NOL4: variants seen among roughly 807,000 people sequenced by gnomAD.
NOL4 encodes the protein nucleolar protein 4, also known as cancer/testis antigen 125.
NOL4 carries 17 observed loss-of-function variants against 75.9 expected under a neutral mutation model. The ratio of observed to expected loss-of-function variants is 0.22; its 90% confidence interval spans 0.15 to 0.34. NOL4 has a LOEUF of 0.34. Ranked by LOEUF, NOL4 falls within the 10% of genes least tolerant of loss-of-function variation. NOL4 has a pLI of 1.00. For missense variants in NOL4, 614 were observed against 793.5 expected (o/e 0.77, Z 2.72); for synonymous variants, 292 against 289.9 (o/e 1.01, Z -0.07).
chr18:34,086,158 GA>G (rs200665408), intron 5 of NOL4, among the ~76,000 whole-genome samples: 1,959 of 152,086 alleles, frequency 0.013, 12 homozygotes, highest in Middle Eastern at 0.034. Flanking sequence ...CTTGAATTAA[GA>G]AAAAAGAGCA....
intron 2 of NOL4, among the ~76,000 whole-genome samples, chr18:34,120,933 GTTAAA>G (rs1287002052): frequency 1.3e-5 from 2 of 152,118 alleles, no homozygotes; most frequent in Non-Finnish European, 2.9e-5. Context: ...AGTGGTTTAT[GTTAAA>G]TTATAATTAA....
Position 34,143,878 on chromosome 18 carries a change from A to C in NOL4, c.265-13858T>G, listed in dbSNP as rs982747123. Among the ~76,000 whole-genome samples, 9 of 151,802 alleles carry C rather than the reference A, an allele frequency of 5.9e-5. No individual in the cohort carries two copies. The East Asian group carries it at 1.5e-3, about 26-fold the overall frequency. ...AAACTCCATCTCAAAAAAAAAAAAA[A>C]AAAAAAAACCTGAAACTTCTTTCAG... On this transcript the variant is annotated intron_variant, in intron 1 of 10. Transcript: ENST00000261592.
At chr18:34,009,208 G>C (rs2074234356) in intron 6 of NOL4, among the ~76,000 whole-genome samples, 1 of 151,838 alleles carries the variant, frequency 6.6e-6, no homozygotes, top group African/African-American at 2.4e-5. Context: ...ATGAGTGCAT[G>C]TTACTCACAG....
At chr18:34,081,773 G>A (rs1398446285) in intron 5 of NOL4, among the ~76,000 whole-genome samples, 1 of 152,048 alleles carries the variant, frequency 6.6e-6, no homozygotes, top group Non-Finnish European at 1.5e-5. Flanking sequence ...GTCCTTTCCA[G>A]ACAAAGGAGA....
chr18:34,178,606 A>G (rs953578495), intron 1 of NOL4, among the ~76,000 whole-genome samples: 3 of 151,750 alleles, frequency 2.0e-5, no homozygotes, highest in African/African-American at 4.8e-5. Context: ...TACTATAGAG[A>G]AAAAAGGACA....
At chr18:34,045,631 C>T (rs1315204311) in intron 5 of NOL4, among the ~76,000 whole-genome samples, 2 of 152,110 alleles carry the variant, frequency 1.3e-5, no homozygotes, top group African/African-American at 4.8e-5. Flanking sequence ...ATAAATTTAG[C>T]ATCTGACATA....
At chr18:33,963,206 T>C (rs1303832357) in intron 6 of NOL4, among the ~76,000 whole-genome samples, 1 of 152,210 alleles carries the variant, frequency 6.6e-6, no homozygotes, top group Non-Finnish European at 1.5e-5. Flanking sequence ...ACTTTCCATA[T>C]TAATTTGCAT....
At chr18:34,046,607 C>CATATATATATATATATAT (rs35281852) in intron 5 of NOL4, among the ~76,000 whole-genome samples, 1,853 of 81,428 alleles carry the variant, frequency 0.023, 197 homozygotes, top group African/African-American at 0.028. Flanking sequence ...TTTACTTATA[C>CATATATATATATATATAT]ATATATATAT....
At chr18:34,149,163 G>T (rs1047441905) in intron 1 of NOL4, among the ~76,000 whole-genome samples, 43 of 151,490 alleles carry the variant, frequency 2.8e-4, no homozygotes, top group Non-Finnish European at 4.9e-4. Context: ...TAGCTTTGGG[G>T]ATAGGATGCA....
chr18:34,154,524 T>A (rs1242018478), intron 1 of NOL4, among the ~76,000 whole-genome samples: 3 of 152,064 alleles, frequency 2.0e-5, no homozygotes, highest in Non-Finnish European at 4.4e-5. Context: ...GTACTTTTTT[T>A]ATTGTTGCAT....
chr18:34,143,612 A>ATCCTAGCACTTT (rs1476766297), intron 1 of NOL4, among the ~76,000 whole-genome samples: 1 of 152,046 alleles, frequency 6.6e-6, no homozygotes, highest in Non-Finnish European at 1.5e-5. Flanking sequence ...CAAGCCTGTA[A>ATCCTAGCACTTT]TCCTAGCACT....
chr18:33,872,678 C>G (rs545680790), intron 10 of NOL4, among the ~76,000 whole-genome samples: 1 of 151,920 alleles, frequency 6.6e-6, no homozygotes, highest in Non-Finnish European at 1.5e-5. Flanking sequence ...TCAGTAGGCT[C>G]TCACTATTTT....
chr18:33,868,692 C>G (rs1312510209), intron 10 of NOL4, among the ~76,000 whole-genome samples: 1 of 149,160 alleles, frequency 6.7e-6, no homozygotes, highest in Admixed American at 6.7e-5. Flanking sequence ...CACACACACA[C>G]GTTTATCCCA....
chr18:34,001,593 G>A (rs1018004205), intron 6 of NOL4: 6 of 152,172 alleles, frequency 3.9e-5, no homozygotes, highest in African/African-American at 1.4e-4. Flanking sequence ...GCAAGGGCAG[G>A]GTAGAGGGGT....
chr18:33,965,682 C>T lies in NOL4; in HGVS notation c.1057-7264G>A, dbSNP rs115549375. Among the ~76,000 whole-genome samples the T allele has an allele frequency of 3.2e-3, 486 of 152,280 alleles. 5 individuals carry two copies. Among genetic ancestry groups the T allele is most frequent in the African/African-American group, 0.011 (453 of 41,564 alleles). On this transcript the variant is annotated intron_variant, in intron 6 of 10. Coordinates refer to ENST00000261592, the MANE Select transcript of NOL4 (RefSeq NM_003787.5). Reference sequence around the variant, plus strand: ...GAGGCTTTTCCCCTTCTGCTCAGCACTTCTCCTTACTGCTGCCATGTGAAG... The same window carrying T: ...GAGGCTTTTCCCCTTCTGCTCAGCATTTCTCCTTACTGCTGCCATGTGAAG...
At chr18:34,204,450 T>G (rs2146511118) in intron 1 of NOL4, among the ~76,000 whole-genome samples, 1 of 152,234 alleles carries the variant, frequency 6.6e-6, no homozygotes, top group Middle Eastern at 3.4e-3. Flanking sequence ...TTTTATAATT[T>G]TGAATATGCT....
intron 9 of NOL4, among the ~76,000 whole-genome samples, chr18:33,894,479 G>C (rs1011508518): frequency 6.6e-6 from 1 of 151,980 alleles, no homozygotes; most frequent in African/African-American, 2.4e-5. Context: ...TCTTTACAAA[G>C]ATGCTCCCAA....
rs115160647 is a variant in NOL4, at chr18:34,049,541, A to G, written c.773-29940T>C. 7.8e-3 allele frequency among the ~76,000 whole-genome samples: 1,180 copies of G among 152,210 alleles called. 8 individuals carry two copies. The highest frequency in any genetic ancestry group is 0.027 in the African/African-American group (1,119 of 41,542). On this transcript the variant is annotated intron_variant, in intron 5 of 10. Coordinates refer to ENST00000261592, the MANE Select transcript of NOL4 (RefSeq NM_003787.5). Reference sequence around the variant, plus strand: ...CCTTTTCAATTGGAAGGAAAGATACAGGGCAGGAAAAGTTTTCCCCTCCCA... The same window carrying G: ...CCTTTTCAATTGGAAGGAAAGATACGGGGCAGGAAAAGTTTTCCCCTCCCA...
intron 2 of NOL4, among the ~76,000 whole-genome samples, chr18:34,124,294 A>G (rs1050825296): frequency 3.9e-5 from 6 of 152,220 alleles, no homozygotes; most frequent in Admixed American, 2.0e-4. Context: ...GGAAAAATTC[A>G]TAATAGTAAA....
Sources: gnomAD v4.1 joint callset for allele counts (sites outside exome capture counted in the v4.1 genomes callset) on GRCh38, gnomAD v4.1.1 for gene constraint, MANE v1.5 for transcripts, NCBI Gene and HGNC (gene_info 2026-07-23, HGNC 2026-07-21) for gene names.